PABPC4L: variants seen among roughly 807,000 people sequenced by gnomAD.
PABPC4L encodes the protein polyadenylate-binding protein 4-like.
For synonymous variants in PABPC4L, 169 were observed against 164.1 expected (o/e 1.03, Z -0.23); for missense variants, 452 against 451.4 (o/e 1.00, Z -0.01).
chr4:134,047,811 G>GTTTT, the PABPC4L span, among the ~76,000 whole-genome samples: 1 of 147,370 alleles, frequency 6.8e-6, no homozygotes, highest in Non-Finnish European at 1.5e-5. Context: ...CTGCACCAGG[G>GTTTT]TTTTTTTTTT....
chr4:134,013,950 C>G, the PABPC4L span, among the ~76,000 whole-genome samples: 1 of 152,150 alleles, frequency 6.6e-6, no homozygotes, highest in South Asian at 2.1e-4. Context: ...CTAGCCCTCC[C>G]CCACCTGCCC....
chr4:134,033,426 T>C, the PABPC4L span, among the ~76,000 whole-genome samples: 1 of 151,844 alleles, frequency 6.6e-6, no homozygotes, highest in East Asian at 1.9e-4. Flanking sequence ...GAGTTGCATA[T>C]ATTTCACTTT....
the PABPC4L span, among the ~76,000 whole-genome samples, chr4:133,992,442 G>C: frequency 6.6e-6 from 1 of 152,170 alleles, no homozygotes; most frequent in Admixed American, 6.5e-5. Flanking sequence ...GTTTGGGCAG[G>C]TATACAGTAA....
chr4:134,168,240 C>T, the PABPC4L span, among the ~76,000 whole-genome samples: 1 of 151,778 alleles, frequency 6.6e-6, no homozygotes, highest in East Asian at 1.9e-4. Flanking sequence ...AAAATAAAAA[C>T]ACAGCATGCC....
chr4:134,066,515 A>G, the PABPC4L span, among the ~76,000 whole-genome samples: 4 of 152,012 alleles, frequency 2.6e-5, no homozygotes, highest in African/African-American at 4.8e-5. Context: ...CTCTCTCCCT[A>G]TTTGGATGCC....
At chr4:134,155,195 G>A in the PABPC4L span, among the ~76,000 whole-genome samples, 15 of 151,868 alleles carry the variant, frequency 9.9e-5, no homozygotes, top group East Asian at 5.8e-4. Flanking sequence ...TTAATTTGAC[G>A]GGCCTGAAAG....
chr4:134,145,593 G>A, the PABPC4L span, among the ~76,000 whole-genome samples: 2 of 151,762 alleles, frequency 1.3e-5, no homozygotes, highest in East Asian at 1.9e-4. Flanking sequence ...GACCTAAGAG[G>A]GGAGAAAATG....
chr4:133,967,462 A>G, the PABPC4L span, among the ~76,000 whole-genome samples: 1 of 152,224 alleles, frequency 6.6e-6, no homozygotes, highest in Admixed American at 6.5e-5. Flanking sequence ...CTGGAGATAT[A>G]CATTTAGTGC....
chr4:134,180,298 A>G, the PABPC4L span, among the ~76,000 whole-genome samples: 2 of 152,112 alleles, frequency 1.3e-5, no homozygotes, highest in Non-Finnish European at 2.9e-5. Flanking sequence ...TTTTGGGTAA[A>G]TAATGAAATA....
the PABPC4L span, among the ~76,000 whole-genome samples, chr4:134,161,697 C>T: frequency 2.6e-5 from 4 of 151,984 alleles, no homozygotes. Flanking sequence ...AAGAATAGGG[C>T]ATTAATGAGC....
At chr4:134,150,393 G>A in the PABPC4L span, among the ~76,000 whole-genome samples, 2 of 151,856 alleles carry the variant, frequency 1.3e-5, no homozygotes, top group South Asian at 2.1e-4. Context: ...ATATTATATG[G>A]CATTTTTAGC....
At chr4:134,133,010 G>T in the PABPC4L span, among the ~76,000 whole-genome samples, 2 of 107,828 alleles carry the variant, frequency 1.9e-5, no homozygotes, top group African/African-American at 8.7e-5. Flanking sequence ...TATACTATAT[G>T]ATAGTATATA....
At chr4:134,168,767 A>G in the PABPC4L span, among the ~76,000 whole-genome samples, 7 of 152,012 alleles carry the variant, frequency 4.6e-5, no homozygotes, top group Non-Finnish European at 1.0e-4. Context: ...GATAGAACCA[A>G]TAATAAAAAA....
the PABPC4L span, among the ~76,000 whole-genome samples, chr4:134,053,004 T>C: frequency 2.0e-5 from 3 of 152,218 alleles, no homozygotes; most frequent in Non-Finnish European, 4.4e-5. Flanking sequence ...CTTTAAAAAA[T>C]TCTGTTGTCT....
chr4:134,005,573 C>T, the PABPC4L span, among the ~76,000 whole-genome samples: 1 of 151,746 alleles, frequency 6.6e-6, no homozygotes, highest in Non-Finnish European at 1.5e-5. Flanking sequence ...ATGTTGCTTA[C>T]AGCTGGAAGA....
chr4:134,076,879 C>T, the PABPC4L span, among the ~76,000 whole-genome samples: 1 of 152,074 alleles, frequency 6.6e-6, no homozygotes, highest in African/African-American at 2.4e-5. Flanking sequence ...AGCATGATGT[C>T]ATCATCCAGA....
the PABPC4L span, among the ~76,000 whole-genome samples, chr4:134,174,618 A>G: frequency 6.6e-6 from 1 of 152,242 alleles, no homozygotes; most frequent in South Asian, 2.1e-4. Context: ...TATGTGGCAC[A>G]TGACTGTATA....
the PABPC4L span, among the ~76,000 whole-genome samples, chr4:134,104,001 T>A: frequency 6.6e-6 from 1 of 151,422 alleles, no homozygotes; most frequent in Non-Finnish European, 1.5e-5. Context: ...ATTAAATGCT[T>A]TAGGTACAAC....
At chr4:134,053,173 C>A in the PABPC4L span, among the ~76,000 whole-genome samples, 1 of 152,068 alleles carries the variant, frequency 6.6e-6, no homozygotes, top group Non-Finnish European at 1.5e-5. Flanking sequence ...CAACAAATTT[C>A]TTTCCTAAAG....
Sources: allele counts gnomAD v4.1 joint callset (sites outside exome capture counted in the v4.1 genomes callset), GRCh38; gene constraint gnomAD v4.1.1; transcripts MANE v1.5; gene names NCBI Gene and HGNC (gene_info 2026-07-23, HGNC 2026-07-21).